SPP2: variants seen among roughly 807,000 people sequenced by gnomAD.
SPP2 encodes the protein secreted phosphoprotein 2, also known as secreted phosphoprotein 24.
SPP2 carries 34 observed loss-of-function variants against 28.8 expected under a neutral mutation model. That is an observed-to-expected ratio of 1.18 (90% confidence interval 0.90 to 1.57). The LOEUF (loss-of-function observed/expected upper bound fraction) is 1.57. Among genes scored for constraint, SPP2 ranks in the 40% most tolerant of loss-of-function variants. SPP2 has a pLI of 0.00. For synonymous variants in SPP2, 96 were observed against 89.4 expected, an observed-to-expected ratio of 1.07 and a Z score of -0.42; for missense variants, 269 against 263.9, an observed-to-expected ratio of 1.02 and a Z score of -0.13.
At chr2:234,052,735 T>C (rs1173302605) in intron 2 of SPP2, among the ~76,000 whole-genome samples, 3 of 152,232 alleles carry the variant, frequency 2.0e-5, no homozygotes, top group African/African-American at 7.2e-5. Context: ...TCCCTGCCTT[T>C]TCTGATTATT....
intron 6 of SPP2, among the ~76,000 whole-genome samples, chr2:234,068,660 T>C (rs1693874178): frequency 6.6e-6 from 1 of 152,072 alleles, no homozygotes; most frequent in African/African-American, 2.4e-5. Flanking sequence ...GCTGAAACGT[T>C]TTTATGAGCT....
At position 234,055,500 on chromosome 2, in the gene SPP2, G is replaced by A. The variant is rs1297315609; in HGVS notation, c.211-3336G>A. Among the ~76,000 whole-genome samples, 3 of 152,300 alleles carry A rather than the reference G, an allele frequency of 2.0e-5. No individual in the cohort carries two copies. The East Asian group carries it at 5.8e-4, about 29-fold the overall frequency. On this transcript the variant is annotated intron_variant, in intron 2 of 7. Transcript: ENST00000168148. The stretch of plus-strand genomic sequence containing the variant: ...GTTGACCAAATATCTGGGCACCATG[G>A]TTCAGTCAAGTTGACACTATAAAAT...
intron 2 of SPP2, among the ~76,000 whole-genome samples, chr2:234,051,893 C>T (rs191334858): frequency 6.6e-6 from 1 of 152,252 alleles, no homozygotes; most frequent in East Asian, 1.9e-4. Flanking sequence ...ATGGACATTG[C>T]TTTCTCTCTG....
At chr2:234,067,096 T>A (rs1693836528) in intron 5 of SPP2, 128 bp from the exon 6 acceptor site, 2 of 922,286 alleles carry the variant, frequency 2.2e-6, no homozygotes, top group Admixed American at 1.9e-5. Flanking sequence ...CTGACGGCAA[T>A]AAAACTCAAT....
rs115130931 is a variant in SPP2, at chr2:234,071,731, C to T, written c.*10+1708C>T. ...GACCTGGGTCTGCCCACATCTCCAG[C>T]CTCACCTGGCCGCTCAGCTCCTGAG... On this transcript the variant is annotated intron_variant, in intron 7 of 7. Transcript: ENST00000168148. Among the ~76,000 whole-genome samples, 934 of 152,318 alleles carry T rather than the reference C, an allele frequency of 6.1e-3. 11 individuals carry two copies. The highest frequency in any genetic ancestry group is 0.02 in the African/African-American group (839 of 41,572).
chr2:234,066,333 G>C (rs535909624), intron 4 of SPP2, among the ~76,000 whole-genome samples, 200 bp from the exon 5 acceptor site: 1 of 152,300 alleles, frequency 6.6e-6, no homozygotes, highest in South Asian at 2.1e-4. Flanking sequence ...ACTTCACGTA[G>C]TTTGCTCTTC....
chr2:234,067,777 CAAAAAAAAAAAA>C (rs56184185), intron 6 of SPP2, among the ~76,000 whole-genome samples: 9 of 63,486 alleles, frequency 1.4e-4, no homozygotes, highest in African/African-American at 2.1e-4. Context: ...GACTCCGTCT[CAAAAAAAAAAAA>C]AAAAAAAAAA....
chr2:234,061,363 T>C (rs1158889326), intron 4 of SPP2, among the ~76,000 whole-genome samples: 1 of 152,134 alleles, frequency 6.6e-6, no homozygotes, highest in Non-Finnish European at 1.5e-5. Context: ...GCAAGAAAAC[T>C]GGGGAAGAAA....
chr2:234,074,992 C>T (rs907177078), intron 7 of SPP2, among the ~76,000 whole-genome samples: 7 of 39,276 alleles, frequency 1.8e-4, no homozygotes, highest in Admixed American at 3.4e-4. Flanking sequence ...ACAAAAAGCA[C>T]AAAAATGCAA....
intron 7 of SPP2, among the ~76,000 whole-genome samples, chr2:234,071,414 G>T (rs1432922349): frequency 6.6e-6 from 1 of 152,160 alleles, no homozygotes; most frequent in Non-Finnish European, 1.5e-5. Context: ...TAGAGACAGA[G>T]TCCTGGTTTA....
chr2:234,050,833 T>C lies in SPP2; in HGVS notation c.47T>C (p.Ile16Thr). ...EKMTMMMKIL[I>T]MFALGMNYWS... Reference sequence around the variant, plus strand: ...ATGACGATGATGATGAAGATATTGATTATGTTTGCTCTTGGAATGAACTAC... The same window carrying C: ...ATGACGATGATGATGAAGATATTGACTATGTTTGCTCTTGGAATGAACTAC... Residue 16 changes from isoleucine (I) to threonine (T), a missense_variant, in exon 1 of 8, where the codon ATT becomes ACT. Coordinates refer to ENST00000168148, the MANE Select transcript of SPP2 (RefSeq NM_006944.3). The C allele has an allele frequency of 6.2e-7, 1 of 1,614,072 alleles. No individual in the cohort carries two copies. Among genetic ancestry groups the C allele is most frequent in the Non-Finnish European group, 8.5e-7 (1 of 1,179,946 alleles).
At chr2:234,062,066 G>T (rs1393422487) in intron 4 of SPP2, among the ~76,000 whole-genome samples, 3 of 152,192 alleles carry the variant, frequency 2.0e-5, no homozygotes, top group Non-Finnish European at 4.4e-5. Context: ...CAAGTCTTTT[G>T]TTAATCTTGA....
intron 2 of SPP2, among the ~76,000 whole-genome samples, chr2:234,055,672 C>A (rs7603271): frequency 0.32 from 48,020 of 151,646 alleles, 8,068 homozygotes; most frequent in South Asian, 0.48. Flanking sequence ...ATTCATTATC[C>A]ATTTATCTGA....
chr2:234,051,932 T>A (rs376737650), intron 2 of SPP2, among the ~76,000 whole-genome samples: 5 of 152,314 alleles, frequency 3.3e-5, no homozygotes, highest in Admixed American at 1.3e-4. Context: ...CCATCCCTCC[T>A]GGACTGACTC....
At chr2:234,071,534 C>T (rs1226507601) in intron 7 of SPP2, among the ~76,000 whole-genome samples, 1 of 152,230 alleles carries the variant, frequency 6.6e-6, no homozygotes, top group African/African-American at 2.4e-5. Flanking sequence ...TAAGAGGAAT[C>T]TCAAGATGGA....
rs778526554 is a variant in SPP2, at chr2:234,067,177, TG to T, written c.500-45del. Reference sequence around the variant, plus strand: ...TTAACAGTAAAGTCATAGAACATTCTGGAACAGTGAGAGGAGTCTTGTCTTA... The same window carrying T: ...TTAACAGTAAAGTCATAGAACATTCTGAACAGTGAGAGGAGTCTTGTCTTA... On this transcript the variant is annotated intron_variant, in intron 5 of 7. Transcript: ENST00000168148. 5.2e-6 allele frequency: 8 copies of T among 1,544,080 alleles called. No individual in the cohort carries two copies. In the African/African-American group the frequency reaches 5.4e-5, roughly 11 times the overall value.
chr2:234,070,132 T>C (rs1458767910), intron 7 of SPP2, 109 bp downstream of exon 7: 2 of 832,424 alleles, frequency 2.4e-6, no homozygotes, highest in Non-Finnish European at 1.9e-6. Flanking sequence ...TTCAAATCCT[T>C]GCTTTTCGGC....
intron 2 of SPP2, among the ~76,000 whole-genome samples, chr2:234,057,859 T>TA (rs996525713): frequency 1.3e-4 from 20 of 152,360 alleles, no homozygotes; most frequent in South Asian, 2.1e-4. Flanking sequence ...CTGGAATTAT[T>TA]AAAAAATTAT....
At chr2:234,066,508 C>T (rs1693824255) in intron 4 of SPP2, 25 bp from the exon 5 acceptor site, 1 of 1,603,252 alleles carries the variant, frequency 6.2e-7, no homozygotes, top group South Asian at 1.1e-5. Context: ...TGTGCTGACA[C>T]ATCCTGATGC....
Sources: gnomAD v4.1 joint callset for allele counts (sites outside exome capture counted in the v4.1 genomes callset) on GRCh38, gnomAD v4.1.1 for gene constraint, MANE v1.5 for transcripts, NCBI Gene and HGNC (gene_info 2026-07-23, HGNC 2026-07-21) for gene names.